Variants in MAOA observed in about 807,000 individuals in gnomAD.
MAOA encodes amine oxidase [flavin-containing] A.
Under a neutral mutation model 42.0 loss-of-function variants are expected in MAOA, and 6 were observed. That is an observed-to-expected ratio of 0.14 (90% confidence interval 0.08 to 0.28). The LOEUF (loss-of-function observed/expected upper bound fraction) is 0.28. MAOA is among the 10% of genes least tolerant of loss of function. The pLI is 1.00. For synonymous variants in MAOA, 140 were observed against 154.0 expected (o/e 0.91, Z 0.67); for missense variants, 262 against 422.3 (o/e 0.62, Z 3.33).
intron 3 of MAOA, among the ~76,000 whole-genome samples, chrX:43,705,931 G>A (rs543380637): frequency 1.9e-4 from 21 of 112,276 alleles, no homozygotes; most frequent in African/African-American, 6.5e-4. Context: ...CACCCAACAG[G>A]ATGGCTGTAA....
intron 2 of MAOA, among the ~76,000 whole-genome samples, chrX:43,685,806 T>G (rs2033483399): frequency 8.9e-6 from 1 of 111,923 alleles, no homozygotes; most frequent in Admixed American, 9.5e-5. Flanking sequence ...GGCATTTGTT[T>G]GCTTGCTTGC....
intron 1 of MAOA, among the ~76,000 whole-genome samples, chrX:43,658,173 T>TAGGG (rs2033201640): frequency 8.9e-6 from 1 of 111,821 alleles, no homozygotes; most frequent in Admixed American, 9.5e-5. Flanking sequence ...ATACATTGAC[T>TAGGG]AGGGGTTCTG....
chrX:43,718,984 A>AG (rs1399232556), intron 5 of MAOA, among the ~76,000 whole-genome samples: 3 of 110,758 alleles, frequency 2.7e-5, no homozygotes, highest in African/African-American at 9.9e-5. Context: ...AGAGGGACAC[A>AG]GGGTGGATTG....
At chrX:43,742,932 G>A (rs1293315595) in intron 12 of MAOA, among the ~76,000 whole-genome samples, 4 of 110,323 alleles carry the variant, frequency 3.6e-5, no homozygotes, top group Non-Finnish European at 7.6e-5. Flanking sequence ...GAGTCAGATC[G>A]CCTTTGTTAA....
chrX:43,705,323 A>G lies in MAOA; in HGVS notation c.307-6549A>G, dbSNP rs754001992. Among the ~76,000 whole-genome samples the G allele has an allele frequency of 3.5e-4, 39 of 112,323 alleles. 1 individual carries two copies. Among genetic ancestry groups the G allele is most frequent in the Non-Finnish European group, 6.2e-4 (33 of 53,200 alleles). On this transcript the variant is annotated intron_variant, in intron 3 of 14. Coordinates refer to ENST00000338702, the MANE Select transcript of MAOA (RefSeq NM_000240.4). ...ATTTCAGAAATAAACCCTTACATTT[A>G]TGCCCAATTGATTTTTGTCAAGGGT...
Position 43,741,954 on chromosome X carries a change from T to C in MAOA, c.1169T>C (p.Val390Ala). The C allele has an allele frequency of 8.3e-7, 1 of 1,211,795 alleles. No homozygotes were observed. Among genetic ancestry groups the C allele is most frequent in the Non-Finnish European group, 1.1e-6 (1 of 895,495 alleles). Reference protein sequence around the residue: ...VLGSQEALHPVHYEEKNWCEE... With the variant: ...VLGSQEALHPAHYEEKNWCEE... Reference sequence around the variant, plus strand: ...TTCTTCCCCACTGAACTGCAGCCAGTGCATTATGAAGAGAAGAACTGGTGT... The same window carrying C: ...TTCTTCCCCACTGAACTGCAGCCAGCGCATTATGAAGAGAAGAACTGGTGT... Residue 390 changes from valine (V) to alanine (A), a missense_variant, in exon 12 of 15, where the codon GTG (valine) becomes GCG (alanine). Val to Ala is a moderately conservative substitution (Grantham distance 64). Around this residue, in one of 3 missense-constraint regions of MAOA, gnomAD observed 86 missense variants for 190.3 expected, o/e 0.45. Transcript: ENST00000338702.
intron 1 of MAOA, among the ~76,000 whole-genome samples, chrX:43,657,118 GTGTATGAACTGTGTTTATATATATA>G (rs201132802): frequency 1.1e-4 from 10 of 94,106 alleles, no homozygotes; most frequent in South Asian, 1.0e-3. Flanking sequence ...GTGTGTGTGT[GTGTATGAACTGTGTTTATATATATA>G]TATGAACTGT....
At chrX:43,726,491 C>T (rs990527048) in intron 5 of MAOA, among the ~76,000 whole-genome samples, 2 of 112,015 alleles carry the variant, frequency 1.8e-5, no homozygotes, top group African/African-American at 3.2e-5. Context: ...GTCTGCTTCA[C>T]GAAGTTCTTG....
At chrX:43,659,336 G>T (rs1188500304) in intron 1 of MAOA, among the ~76,000 whole-genome samples, 1 of 111,513 alleles carries the variant, frequency 9.0e-6, no homozygotes, top group Non-Finnish European at 1.9e-5. Context: ...TGTTGGTCTA[G>T]TGGTATCTTT....
intron 1 of MAOA, among the ~76,000 whole-genome samples, chrX:43,657,639 A>C (rs2033195143): frequency 8.9e-6 from 1 of 111,821 alleles, no homozygotes; most frequent in African/African-American, 3.3e-5. Context: ...CCTGGCTAGA[A>C]TACCACACTG....
intron 1 of MAOA, among the ~76,000 whole-genome samples, chrX:43,663,138 T>G (rs2033248817): frequency 9.0e-6 from 1 of 111,443 alleles, no homozygotes; most frequent in Admixed American, 9.6e-5. Flanking sequence ...TCTCTTTAGC[T>G]TTCTTTCTTG....
At chrX:43,663,562 T>C (rs2033252743) in intron 1 of MAOA, among the ~76,000 whole-genome samples, 2 of 111,452 alleles carry the variant, frequency 1.8e-5, no homozygotes, top group African/African-American at 6.5e-5. Flanking sequence ...TGTCCTTGGA[T>C]GCGTAAAATA....
At chrX:43,730,190 G>A (rs1432441744) in intron 6 of MAOA, among the ~76,000 whole-genome samples, 7 of 84,381 alleles carry the variant, frequency 8.3e-5, no homozygotes, top group East Asian at 8.1e-4. Context: ...GTGAAACTCC[G>A]TCTCAAAAAA....
intron 3 of MAOA, among the ~76,000 whole-genome samples, chrX:43,706,674 A>G (rs1020376800): frequency 5.6e-5 from 6 of 107,654 alleles, no homozygotes; most frequent in East Asian, 2.8e-4. Context: ...TTAGCCATGC[A>G]TAGTGGCACA....
intron 3 of MAOA, among the ~76,000 whole-genome samples, chrX:43,698,718 A>G (rs2033599433): frequency 8.9e-6 from 1 of 111,763 alleles, no homozygotes; most frequent in Non-Finnish European, 1.9e-5. Context: ...TCTTGTGAAT[A>G]GAATCCCTCT....
chrX:43,706,781 T>A (rs1407658941), intron 3 of MAOA, among the ~76,000 whole-genome samples: 1 of 111,109 alleles, frequency 9.0e-6, no homozygotes, highest in African/African-American at 3.3e-5. Context: ...AACACTACAC[T>A]CCAGCCTGGG....
Position 43,711,853 on chromosome X carries a change from G to C in MAOA, c.307-19G>C, listed in dbSNP as rs754942975. ...GATATTACTCTTTTTGATTGATTCT[G>C]TTTGCTTTTATGTTCTAGGGGAAAA... On this transcript the variant is annotated intron_variant, in intron 3 of 14. Transcript: ENST00000338702. 9 of 1,115,191 alleles carry C rather than the reference G, an allele frequency of 8.1e-6. No individual in the cohort carries two copies. In the African/African-American group the frequency reaches 1.3e-4, roughly 16 times the overall value. 91.9% of individuals were successfully genotyped at this position (1,115,191 alleles called of 1,213,427 possible). A position where few individuals can be genotyped will look rare whatever the true frequency, so the allele number is the denominator to read the frequency against.
intron 1 of MAOA, among the ~76,000 whole-genome samples, chrX:43,665,401 T>G (rs1303568323): frequency 1.8e-5 from 2 of 111,216 alleles, no homozygotes; most frequent in Non-Finnish European, 3.8e-5. Context: ...CAGAGCATCT[T>G]TCTTGAGGAC....
chrX:43,686,816 T>A (rs1490661009), intron 2 of MAOA, among the ~76,000 whole-genome samples: 2 of 111,173 alleles, frequency 1.8e-5, no homozygotes, highest in African/African-American at 6.5e-5. Flanking sequence ...TTAAAAATTT[T>A]AAAAAAGGAA....
Sources: allele counts gnomAD v4.1 joint callset (sites outside exome capture counted in the v4.1 genomes callset), GRCh38; gene constraint gnomAD v4.1.1; regional missense constraint gnomAD v4.1.1; transcripts MANE v1.5; gene names NCBI Gene and HGNC (gene_info 2026-07-23, HGNC 2026-07-21).